The following MTHFD2L variants were observed in gnomAD, a reference collection of about 807,000 sequenced individuals.
MTHFD2L encodes the protein methylenetetrahydrofolate dehydrogenase (NADP+ dependent) 2 like, also known as bifunctional methylenetetrahydrofolate dehydrogenase/cyclohydrolase 2, mitochondrial.
Under a neutral mutation model 34.9 loss-of-function variants are expected in MTHFD2L, and 29 were observed. That is an observed-to-expected ratio of 0.83 (90% confidence interval 0.62 to 1.13). MTHFD2L has a LOEUF of 1.13. Ranked by LOEUF, MTHFD2L falls within the 50% of genes most tolerant of loss-of-function variation. MTHFD2L has a pLI of 0.00. For missense variants in MTHFD2L, 481 were observed against 446.5 expected, an observed-to-expected ratio of 1.08 and a Z score of -0.70; for synonymous variants, 167 against 155.7, an observed-to-expected ratio of 1.07 and a Z score of -0.54.
chr4:74,253,810 G>A (rs1578626657), intron 6 of MTHFD2L, among the ~76,000 whole-genome samples: 1 of 152,054 alleles, frequency 6.6e-6, no homozygotes, highest in African/African-American at 2.4e-5. Context: ...CAGAACACCA[G>A]GACCCAGGCC....
chr4:74,166,456 T>C (rs1245018102), intron 1 of MTHFD2L, among the ~76,000 whole-genome samples: 3 of 152,266 alleles, frequency 2.0e-5, no homozygotes, highest in Admixed American at 1.3e-4. Context: ...ATTTTTTAAA[T>C]TAGTTTACTT....
intron 1 of MTHFD2L, among the ~76,000 whole-genome samples, chr4:74,146,305 T>C (rs1303875137): frequency 6.6e-6 from 1 of 152,340 alleles, no homozygotes; most frequent in South Asian, 2.1e-4. Flanking sequence ...GGGTGGTCTA[T>C]GACTCCTAAG....
chr4:74,166,128 C>A (rs973171893), intron 1 of MTHFD2L, among the ~76,000 whole-genome samples: 3 of 152,234 alleles, frequency 2.0e-5, no homozygotes, highest in African/African-American at 7.2e-5. Context: ...TATTTATTTA[C>A]TAATTCTGCT....
chr4:74,217,960 C>T (rs1054538103), intron 5 of MTHFD2L, among the ~76,000 whole-genome samples: 3 of 152,124 alleles, frequency 2.0e-5, no homozygotes, highest in Admixed American at 6.6e-5. Context: ...CTGCCCCATG[C>T]CCTTCTCAGA....
intron 2 of MTHFD2L, among the ~76,000 whole-genome samples, chr4:74,116,895 T>A (rs965573412): frequency 6.6e-6 from 1 of 152,260 alleles, no homozygotes; most frequent in African/African-American, 2.4e-5. Flanking sequence ...TAAATGACAC[T>A]CATGTCTGCT....
chr4:74,247,932 T>C (rs1252158174), intron 6 of MTHFD2L, among the ~76,000 whole-genome samples: 1 of 152,174 alleles, frequency 6.6e-6, no homozygotes, highest in African/African-American at 2.4e-5. Flanking sequence ...GATATTGGTC[T>C]AAAATTCTCT....
chr4:74,247,626 T>G (rs1166924792), intron 6 of MTHFD2L, among the ~76,000 whole-genome samples: 4 of 152,200 alleles, frequency 2.6e-5, no homozygotes, highest in Non-Finnish European at 4.4e-5. Context: ...TTGTCATAGA[T>G]AGCGCTTATT....
chr4:74,254,505 A>G (rs1004448252), intron 6 of MTHFD2L, among the ~76,000 whole-genome samples: 14 of 151,998 alleles, frequency 9.2e-5, no homozygotes, highest in Non-Finnish European at 1.9e-4. Context: ...ATAAAAACAA[A>G]CAAATAGAAC....
At chr4:74,234,727 C>T (rs1740584871) in intron 6 of MTHFD2L, among the ~76,000 whole-genome samples, 1 of 151,670 alleles carries the variant, frequency 6.6e-6, no homozygotes, top group African/African-American at 2.4e-5. Context: ...TGTAATACAG[C>T]TTGCTAGTGC....
rs192842434 is a variant in MTHFD2L, at chr4:74,189,754, T to C, written c.452-10040T>C. On this transcript the variant is annotated intron_variant, in intron 3 of 7. Transcript: ENST00000325278. ...TTTGCTTTTCACAATATCTTCAAAATCATGAATTTTTTGAACAAGTTACTT... is the reference window on the plus strand; with the variant it reads ...TTTGCTTTTCACAATATCTTCAAAACCATGAATTTTTTGAACAAGTTACTT... Among the ~76,000 whole-genome samples the C allele has an allele frequency of 4.1e-3, 618 of 152,230 alleles. 2 individuals are homozygous for C. The highest frequency in any genetic ancestry group is 0.015 in the South Asian group (72 of 4,830).
chr4:74,251,606 A>G (rs1179588735), intron 6 of MTHFD2L, among the ~76,000 whole-genome samples: 2 of 152,146 alleles, frequency 1.3e-5, no homozygotes, highest in African/African-American at 4.8e-5. Context: ...GAATCAGCTC[A>G]TGCCCTCACT....
intron 5 of MTHFD2L, among the ~76,000 whole-genome samples, chr4:74,211,395 G>C (rs370536123): frequency 6.6e-6 from 1 of 152,090 alleles, no homozygotes; most frequent in Admixed American, 6.6e-5. Flanking sequence ...TAGTATGAAG[G>C]GGTGTTGAAT....
At chr4:74,155,713 GT>G (rs2109868586), upstream of MTHFD2L, among the ~76,000 whole-genome samples, 1 of 151,922 alleles carries the variant, frequency 6.6e-6, no homozygotes, top group East Asian at 1.9e-4. Flanking sequence ...AATATAAAGG[GT>G]AAATAGAATC....
intron 1 of MTHFD2L, among the ~76,000 whole-genome samples, chr4:74,171,436 A>G: frequency 6.6e-6 from 1 of 152,210 alleles, no homozygotes; most frequent in East Asian, 1.9e-4. Context: ...TTTGTAACGT[A>G]ACAGTTTTTA....
intron 5 of MTHFD2L, among the ~76,000 whole-genome samples, chr4:74,214,970 C>T (rs1045242053): frequency 6.6e-6 from 1 of 151,782 alleles, no homozygotes; most frequent in Non-Finnish European, 1.5e-5. Context: ...CTCCTTCAAA[C>T]TTCCTGGTGG....
chr4:74,246,321 G>T (rs924823842), intron 6 of MTHFD2L, among the ~76,000 whole-genome samples: 3 of 151,624 alleles, frequency 2.0e-5, no homozygotes, highest in Non-Finnish European at 2.9e-5. Flanking sequence ...TTTTTGATGG[G>T]GTTGTTTGTT....
intron 6 of MTHFD2L, among the ~76,000 whole-genome samples, chr4:74,253,152 CTA>C (rs1408875944): frequency 6.6e-6 from 1 of 152,098 alleles, no homozygotes; most frequent in Non-Finnish European, 1.5e-5. Context: ...AAATTTCCAG[CTA>C]TATAAGGAAC....
At chr4:74,298,243 T>C (rs985112974) in intron 7 of MTHFD2L, among the ~76,000 whole-genome samples, 1 of 152,096 alleles carries the variant, frequency 6.6e-6, no homozygotes, top group Non-Finnish European at 1.5e-5. Context: ...GCCTCGTGAA[T>C]AATTTTCAGA....
chr4:74,170,164 T>G (rs1251702887), intron 1 of MTHFD2L, among the ~76,000 whole-genome samples: 1 of 152,174 alleles, frequency 6.6e-6, no homozygotes, highest in Non-Finnish European at 1.5e-5. Flanking sequence ...CAAAGCTACA[T>G]GATAACATTA....
Sources: gnomAD v4.1 joint callset for allele counts (sites outside exome capture counted in the v4.1 genomes callset) on GRCh38, gnomAD v4.1.1 for gene constraint, MANE v1.5 for transcripts, NCBI Gene and HGNC (gene_info 2026-07-23, HGNC 2026-07-21) for gene names.